Variants in SMIM22 observed in about 807,000 individuals in gnomAD.
SMIM22 encodes the protein cancer associated small integral membrane open reading frame 1.
A neutral mutation model predicts 8.4 loss-of-function variants in SMIM22; 16 were observed. The observed-to-expected ratio is 1.90, with a 90% CI of 1.29 to 2.89. The LOEUF is 2.89. Ranked by LOEUF, SMIM22 falls within the 30% of genes most tolerant of loss-of-function variation. The pLI is 0.00. For synonymous variants in SMIM22, 67 were observed against 47.6 expected (o/e 1.41, Z -1.68); for missense variants, 159 against 107.5 (o/e 1.48, Z -2.12).
intron 3 of SMIM22, 70 bp downstream of exon 3, chr16:4,796,118 G>T (rs1809365201): frequency 6.5e-7 from 1 of 1,535,036 alleles, no homozygotes; most frequent in Non-Finnish European, 8.7e-7. Flanking sequence ...TGAGGGGAGT[G>T]GCGGGAAGGG....
At chr16:4,793,135 G>C (rs1190515637), upstream of SMIM22, among the ~76,000 whole-genome samples, 1 of 151,084 alleles carries the variant, frequency 6.6e-6, no homozygotes, top group Non-Finnish European at 1.5e-5. Context: ...AAAAAAGGGA[G>C]GGAGGAGGAT....
chr16:4,795,717 G>A lies in SMIM22; in HGVS notation c.-18G>A. 2 of 1,534,850 alleles carry A rather than the reference G, an allele frequency of 1.3e-6. No homozygotes were observed. The highest frequency in any genetic ancestry group is 1.7e-6 in the Non-Finnish European group (2 of 1,146,520). On this transcript the variant is annotated splice_region_variant and 5_prime_UTR_variant, in exon 2 of 4. Transcript: ENST00000586005. The stretch of plus-strand genomic sequence containing the variant: ...CAGCCTCTGGGGGACCGGGGCAGGT[G>A]GCACGGTGCACGCCAAGATGGCTGT...
chr16:4,794,140 C>T (rs530840609), upstream of SMIM22, among the ~76,000 whole-genome samples: 7 of 152,176 alleles, frequency 4.6e-5, no homozygotes, highest in South Asian at 1.2e-3. Context: ...TGGAGTCTTG[C>T]TCTGTCACCC....
chr16:4,795,599 TGGGGA>T lies in SMIM22; in HGVS notation c.-20-115_-20-111del. The T allele has an allele frequency of 2.4e-5, 29 of 1,198,582 alleles. No homozygotes were observed. The Admixed American group carries it at 2.6e-4, about 11-fold the overall frequency. The allele number at this position is 1,198,582 out of a possible 1,614,324, so 74.2% of individuals were successfully genotyped here. On this transcript the variant is annotated intron_variant, in intron 1 of 3. Transcript: ENST00000586005. ...GAGGGAGAAGTGGAGTGGGAGGGGG[TGGGGA>T]AGCTGGCGCTGGGCCAGGAGCGGGC...
At chr16:4,788,765 C>T (rs1214115896) in exon 2 of SMIM22, 1 of 152,232 alleles carries the variant, frequency 6.6e-6, no homozygotes, top group Admixed American at 6.5e-5. Context: ...TAATCAAGCC[C>T]TGTGAAGTAA....
chr16:4,788,492 A>G (rs1224055837), exon 1 of SMIM22: 1 of 152,182 alleles, frequency 6.6e-6, no homozygotes, highest in African/African-American at 2.4e-5. Flanking sequence ...TAATAATACA[A>G]TAATCCCCAA....
intron 2 of SMIM22, chr16:4,789,902 T>A (rs2082524356): frequency 6.8e-6 from 1 of 147,260 alleles, no homozygotes; most frequent in African/African-American, 2.7e-5. Context: ...CTTTTCTCCT[T>A]TCTTTTCTTT....
chr16:4,793,324 T>C (rs746687258), upstream of SMIM22, among the ~76,000 whole-genome samples: 32 of 152,040 alleles, frequency 2.1e-4, no homozygotes, highest in Non-Finnish European at 2.8e-4. Flanking sequence ...TTCAGAACCA[T>C]AGGGCAATAC....
rs932141852 is a variant in SMIM22 at position 4,795,695 on chromosome 16, C to T, written c.-20-20C>T. On this transcript the variant is annotated intron_variant, in intron 1 of 3. Transcript: ENST00000586005. ...AGCTGAGCCCAGGATCCTGATGCAGCCTCTGGGGGACCGGGGCAGGTGGCA... is the reference window on the plus strand; with the variant it reads ...AGCTGAGCCCAGGATCCTGATGCAGTCTCTGGGGGACCGGGGCAGGTGGCA... 5.2e-6 allele frequency: 8 copies of T among 1,531,400 alleles called. No individual in the cohort carries two copies. In the Admixed American group the frequency reaches 1.2e-4, roughly 23 times the overall value. The allele number at this position is 1,531,400 out of a possible 1,614,324, so 94.9% of individuals were successfully genotyped here.
In SMIM22 at chr16:4,795,722, G is replaced by A. The variant is rs1052497700; in HGVS notation, c.-13G>A. Reference sequence around the variant, plus strand: ...TCTGGGGGACCGGGGCAGGTGGCACGGTGCACGCCAAGATGGCTGTGTCCA... The same window carrying A: ...TCTGGGGGACCGGGGCAGGTGGCACAGTGCACGCCAAGATGGCTGTGTCCA... On this transcript the variant is annotated 5_prime_UTR_variant, in exon 2 of 4. Transcript: ENST00000586005. 5.9e-6 allele frequency: 9 copies of A among 1,534,964 alleles called. No individual in the cohort carries two copies. Among genetic ancestry groups the A allele is most frequent in the East Asian group, 2.4e-5 (1 of 40,926 alleles).
intron 2 of SMIM22, among the ~76,000 whole-genome samples, chr16:4,789,650 G>C (rs1274484322): frequency 6.6e-6 from 1 of 151,872 alleles, no homozygotes; most frequent in Admixed American, 6.6e-5. Context: ...TTTGAGACAC[G>C]GTCTCACTAT....
At chr16:4,794,354 GC>G (rs2082599552), upstream of SMIM22, among the ~76,000 whole-genome samples, 1 of 151,936 alleles carries the variant, frequency 6.6e-6, no homozygotes, top group Admixed American at 6.6e-5. Context: ...TGATCCGCCT[GC>G]CTCGGCCTCC....
chr16:4,793,346 T>C (rs371735229), upstream of SMIM22, among the ~76,000 whole-genome samples: 3 of 152,288 alleles, frequency 2.0e-5, no homozygotes, highest in African/African-American at 2.4e-5. Context: ...TTTGTGTTGT[T>C]TGAAGCCACA....
chr16:4,795,678 C>A, intron 1 of SMIM22, 37 bp from the exon 2 acceptor site: 1 of 1,526,794 alleles, frequency 6.5e-7, no homozygotes, highest in East Asian at 2.4e-5. Context: ...TGAGCTGAGC[C>A]CAGGATCCTG....
rs1465277911 is a variant in SMIM22 at position 4,796,342 on chromosome 16, C to A, written c.*111C>A. The A allele has an allele frequency of 3.0e-6, 4 of 1,321,770 alleles. No homozygotes were observed. The highest frequency in any genetic ancestry group is 4.1e-6 in the Non-Finnish European group (4 of 973,354). The allele number at this position is 1,321,770 out of a possible 1,614,324, so 81.9% of individuals were successfully genotyped here. A position where few individuals can be genotyped will look rare whatever the true frequency, so the allele number is the denominator to read the frequency against. On this transcript the variant is annotated 3_prime_UTR_variant, in exon 4 of 4. Coordinates refer to ENST00000586005, the MANE Select transcript of SMIM22 (RefSeq NM_001253794.2). Reference sequence around the variant, plus strand: ...GTGGGTGACGCGGGACTCGCCGCCCCACTCAGGTGGCCACCTGGCCTCTCC... The same window carrying A: ...GTGGGTGACGCGGGACTCGCCGCCCAACTCAGGTGGCCACCTGGCCTCTCC...
At chr16:4,796,090 G>C (rs1300138243) in intron 3 of SMIM22, 42 bp downstream of exon 3, 1 of 1,535,452 alleles carries the variant, frequency 6.5e-7, no homozygotes, top group East Asian at 2.4e-5. Context: ...GAACTGTACT[G>C]GGGGTGGAGG....
rs1420091831 is a variant in SMIM22 at position 4,796,182 on chromosome 16, T to C, written c.226-8T>C. On this transcript the variant is annotated splice_region_variant and splice_polypyrimidine_tract_variant and intron_variant, in intron 3 of 3. Transcript: ENST00000586005. ...AACCTGCTTGGTCCCGCTGTGCTTC[T>C]CGTGCAGGAAAGACCCAAGGGAGTG... 2 of 1,535,982 alleles carry C rather than the reference T, an allele frequency of 1.3e-6. No homozygotes were observed. Among genetic ancestry groups the C allele is most frequent in the East Asian group, 2.4e-5 (1 of 40,916 alleles).
At chr16:4,790,818 G>A (rs182457118), upstream of SMIM22, among the ~76,000 whole-genome samples, 6 of 152,226 alleles carry the variant, frequency 3.9e-5, no homozygotes, top group Non-Finnish European at 8.8e-5. Context: ...AAATAAGTAA[G>A]TAAATAAATA....
intron 2 of SMIM22, chr16:4,790,061 C>G (rs2082527970): frequency 6.6e-6 from 1 of 151,886 alleles, no homozygotes; most frequent in Non-Finnish European, 1.5e-5. Context: ...ACTTCAGGTA[C>G]GTAGACCATG....
Sources: gnomAD v4.1 joint callset for allele counts (sites outside exome capture counted in the v4.1 genomes callset) on GRCh38, gnomAD v4.1.1 for gene constraint, MANE v1.5 for transcripts, NCBI Gene and HGNC (gene_info 2026-07-23, HGNC 2026-07-21) for gene names.